Variants in RPL38 observed in about 807,000 individuals in gnomAD.
RPL38 encodes large ribosomal subunit protein eL38.
Under a neutral mutation model 12.8 loss-of-function variants are expected in RPL38, and 2 were observed. That is an observed-to-expected ratio of 0.16 (90% CI 0.06 to 0.49). RPL38 has a LOEUF of 0.49. Among genes scored for constraint, RPL38 ranks in the 20% least tolerant of loss-of-function variants. The pLI is 0.96. For synonymous variants in RPL38, 42 were observed against 30.1 expected (o/e 1.39, Z -1.29); for missense variants, 52 against 79.8 (o/e 0.65, Z 1.33).
intron 3 of RPL38, among the ~76,000 whole-genome samples, chr17:74,207,518 A>G (rs1268444514): frequency 6.6e-6 from 1 of 151,162 alleles, no homozygotes; most frequent in Non-Finnish European, 1.5e-5. Flanking sequence ...TGTTGAGTAA[A>G]CTTTTTTTTT....
At chr17:74,208,376 G>C (rs1408461771) in intron 3 of RPL38, among the ~76,000 whole-genome samples, 1 of 152,222 alleles carries the variant, frequency 6.6e-6, no homozygotes. Flanking sequence ...GAGGTACACA[G>C]TAGCTGTTTC....
intron 4 of RPL38, 123 bp from the exon 5 acceptor site, chr17:74,209,681 T>C: frequency 8.3e-6 from 7 of 842,386 alleles, no homozygotes; most frequent in Non-Finnish European, 1.4e-5. Flanking sequence ...TAACCGAAAC[T>C]TCGCTGGTGG....
chr17:74,208,183 T>C (rs1346369334), intron 3 of RPL38, among the ~76,000 whole-genome samples: 2 of 152,196 alleles, frequency 1.3e-5, no homozygotes, highest in Non-Finnish European at 2.9e-5. Context: ...ACTGCTATTA[T>C]AACAAATCCT....
At chr17:74,208,477 C>T (rs889828043) in intron 3 of RPL38, among the ~76,000 whole-genome samples, 1 of 152,124 alleles carries the variant, frequency 6.6e-6, no homozygotes, top group Non-Finnish European at 1.5e-5. Flanking sequence ...ACCCTGGGTG[C>T]GTGTTGTGCG....
rs1363110800 is a variant in RPL38, at chr17:74,204,113, C to T, written c.4-17C>T. The T allele has an allele frequency of 1.2e-6, 2 of 1,614,134 alleles. No homozygotes were observed. Among genetic ancestry groups the T allele is most frequent in the South Asian group, 2.2e-5 (2 of 91,086 alleles). On this transcript the variant is annotated splice_polypyrimidine_tract_variant and intron_variant, in intron 2 of 4. Coordinates refer to ENST00000311111, the MANE Select transcript of RPL38 (RefSeq NM_000999.4). Reference sequence around the variant, plus strand: ...TGTCTCTTTCCTCTCTGTTCACCCGCTTCCTTTGTGTTGCAGCCTCGGAAA... The same window carrying T: ...TGTCTCTTTCCTCTCTGTTCACCCGTTTCCTTTGTGTTGCAGCCTCGGAAA...
At chr17:74,204,515 CTG>C in intron 3 of RPL38, 1 of 378,330 alleles carries the variant, frequency 2.6e-6, no homozygotes, top group East Asian at 5.7e-5. Context: ...CCCATAAACA[CTG>C]TTTAGGTTCT....
At position 74,209,189 on chromosome 17, in the gene RPL38, G is replaced by A. The variant is rs2050142243; in HGVS notation, c.67G>A (p.Val23Ile). 6.2e-7 allele frequency: 1 copy of A among 1,613,608 alleles called. No individual in the cohort carries two copies. The highest frequency in any genetic ancestry group is 1.3e-5 in the African/African-American group (1 of 74,982). The stretch of plus-strand genomic sequence containing the variant: ...TTCCTGATTCTGGTCTCCGGTAGCT[G>A]TCAAGATCAAGAAAAATAAGGACAA... ...LTARRKDAKS[V>I]KIKKNKDNVK... Residue 23 changes from valine to isoleucine, a missense_variant and splice_region_variant, in exon 4 of 5, where the codon GTC becomes ATC. By Grantham distance (29) the Val-to-Ile change is conservative (BLOSUM62 3). Coordinates refer to ENST00000311111, the MANE Select transcript of RPL38 (RefSeq NM_000999.4).
At chr17:74,206,895 T>TA (rs968831655) in intron 3 of RPL38, among the ~76,000 whole-genome samples, 5 of 150,580 alleles carry the variant, frequency 3.3e-5, no homozygotes, top group Non-Finnish European at 7.4e-5. Context: ...TTTTTTTTTT[T>TA]AAAGTAGAGA....
rs116596250 is a variant in RPL38, at chr17:74,205,427, G to T, written c.64+1237G>T. ...CTGCCAGCCGTGGTGCCAGACGGTG[G>T]TTGGTGTACAGGGAGAGTCTTTCAA... On this transcript the variant is annotated intron_variant, in intron 3 of 4. Transcript: ENST00000311111. 9.9e-3 allele frequency: 1,513 copies of T among 152,368 alleles called. 12 individuals carry two copies. Among genetic ancestry groups the T allele is most frequent in the Middle Eastern group, 0.017 (5 of 296 alleles). The allele number at this position is 152,368 out of a possible 1,614,324, so 9.4% of individuals were successfully genotyped here.
intron 3 of RPL38, 74 bp from the exon 4 acceptor site, chr17:74,209,113 G>A: frequency 6.6e-7 from 1 of 1,526,382 alleles, no homozygotes; most frequent in South Asian, 1.2e-5. Context: ...TACTGCTTGA[G>A]TGTATTTGCA....
chr17:74,207,322 GC>G (rs2050124025), intron 3 of RPL38, among the ~76,000 whole-genome samples: 1 of 152,070 alleles, frequency 6.6e-6, no homozygotes, highest in Admixed American at 6.6e-5. Flanking sequence ...TCTTTTGAAG[GC>G]CGAGTTTTCC....
intron 3 of RPL38, chr17:74,205,775 C>G (rs2050107897): frequency 6.6e-6 from 1 of 152,180 alleles, no homozygotes; most frequent in African/African-American, 2.4e-5. Flanking sequence ...AATTCCAGCA[C>G]TTTGGGAGGC....
chr17:74,204,990 C>G (rs1029345384), intron 3 of RPL38: 2 of 152,242 alleles, frequency 1.3e-5, no homozygotes, highest in Non-Finnish European at 2.9e-5. Context: ...CCGCCAAGAT[C>G]AAAATTTGAA....
In RPL38 at chr17:74,203,687, C is replaced by T. The variant is rs576043787; in HGVS notation, c.-97C>T. On this transcript the variant is annotated 5_prime_UTR_variant, in exon 1 of 5. Transcript: ENST00000311111. ...AAACGGAAGTCTCGTTCTTTTTCGTCCTTTTCCCCGGTTGCTGCTTGCTGT... is the reference window on the plus strand; with the variant it reads ...AAACGGAAGTCTCGTTCTTTTTCGTTCTTTTCCCCGGTTGCTGCTTGCTGT... 2.0e-3 allele frequency: 1,033 copies of T among 507,080 alleles called. 2 individuals are homozygous for T. Among genetic ancestry groups the T allele is most frequent in the Middle Eastern group, 4.7e-3 (9 of 1,914 alleles). The allele number at this position is 507,080 out of a possible 1,614,324, so 31.4% of individuals were successfully genotyped here.
At position 74,204,350 on chromosome 17, in the gene RPL38, C is replaced by T. The variant is rs1047140869; in HGVS notation, c.64+160C>T. On this transcript the variant is annotated intron_variant, in intron 3 of 4. Transcript: ENST00000311111. The stretch of plus-strand genomic sequence containing the variant: ...TTCATCCTGTTTCCCATGAGAAAGA[C>T]CTGTGGGGGGCACGTTGAGGCCCTG... 1.2e-4 allele frequency: 78 copies of T among 641,288 alleles called. 1 individual carries two copies. Among genetic ancestry groups the T allele is most frequent in the Non-Finnish European group, 1.9e-4 (69 of 363,232 alleles). The allele number at this position is 641,288 out of a possible 1,614,324, so 39.7% of individuals were successfully genotyped here. A position where few individuals can be genotyped will look rare whatever the true frequency, so the allele number is the denominator to read the frequency against.
chr17:74,209,867 A>C lies in RPL38; in HGVS notation c.*38A>C. 1.3e-6 allele frequency: 2 copies of C among 1,561,232 alleles called. No homozygotes were observed. Among genetic ancestry groups the C allele is most frequent in the Admixed American group, 1.7e-5 (1 of 59,624 alleles). Reference sequence around the variant, plus strand: ...GATTGGAACTGTATTATATTAAAATACTAAAAATCCTAAGTGTCTTTCGTC... The same window carrying C: ...GATTGGAACTGTATTATATTAAAATCCTAAAAATCCTAAGTGTCTTTCGTC... On this transcript the variant is annotated 3_prime_UTR_variant, in exon 5 of 5. Transcript: ENST00000311111.
Position 74,209,975 on chromosome 17 carries a change from TG to T in RPL38, c.*147del. ...CGCGGGTTCTGTTGCTGCCTTCCTG[TG>T]TCTTTTTTTTTTTTTTTTTTTCTTT... On this transcript the variant is annotated 3_prime_UTR_variant, in exon 5 of 5. Transcript: ENST00000311111. 1 of 516,196 alleles carries T rather than the reference TG, an allele frequency of 1.9e-6. No individual in the cohort carries two copies. The highest frequency in any genetic ancestry group is 2.5e-5 in the South Asian group (1 of 40,772). 32.0% of individuals were successfully genotyped at this position (516,196 alleles called of 1,614,324 possible).
At chr17:74,208,867 C>T (rs548098179) in intron 3 of RPL38, among the ~76,000 whole-genome samples, 80 of 152,176 alleles carry the variant, frequency 5.3e-4, no homozygotes, top group African/African-American at 1.9e-3. Flanking sequence ...ACCTGGGAGG[C>T]GGAGGTTGCA....
intron 3 of RPL38, chr17:74,206,306 G>C (rs1465632743): frequency 6.6e-6 from 1 of 151,682 alleles, no homozygotes; most frequent in Non-Finnish European, 1.5e-5. Flanking sequence ...TTAGCCGGGC[G>C]TGTGCTGGTG....
Sources: allele counts gnomAD v4.1 joint callset (sites outside exome capture counted in the v4.1 genomes callset), GRCh38; gene constraint gnomAD v4.1.1; transcripts MANE v1.5; gene names NCBI Gene and HGNC (gene_info 2026-07-23, HGNC 2026-07-21).